Variants in RAP1GAP2 observed in about 807,000 individuals in gnomAD.
RAP1GAP2 encodes the protein rap1 GTPase-activating protein 2.
Under a neutral mutation model 95.0 loss-of-function variants are expected in RAP1GAP2, and 27 were observed. The ratio of observed to expected loss-of-function variants is 0.28; its 90% CI spans 0.21 to 0.39. The LOEUF is 0.39. Among genes scored for constraint, RAP1GAP2 ranks in the 10% least tolerant of loss-of-function variants. The pLI is 1.00. For missense variants in RAP1GAP2, 771 were observed against 970.0 expected, an observed-to-expected ratio of 0.79 and a Z score of 2.72; for synonymous variants, 373 against 380.9, an observed-to-expected ratio of 0.98 and a Z score of 0.24.
rs571523720 is a variant in RAP1GAP2 at position 2,857,782 on chromosome 17, G to A, written c.81-47502G>A. Among the ~76,000 whole-genome samples the A allele has an allele frequency of 6.6e-6, 1 of 152,310 alleles. No individual in the cohort carries two copies. Among genetic ancestry groups the A allele is most frequent in the Non-Finnish European group, 1.5e-5 (1 of 68,020 alleles). On this transcript the variant is annotated intron_variant, in intron 2 of 24. Coordinates refer to ENST00000254695, the MANE Select transcript of RAP1GAP2 (RefSeq NM_015085.5). This position sits in a 1 kb window ranked among gnomAD's most constrained non-coding sequence, Gnocchi z 4.0. ...ACAGGCAGCTTTGCTGGGAAGGACG[G>A]AGGCCGAGGAACACGATCAAAATAT...
intron 2 of RAP1GAP2, among the ~76,000 whole-genome samples, chr17:2,877,706 G>A (rs1304274445): frequency 6.6e-6 from 1 of 152,212 alleles, no homozygotes; most frequent in Non-Finnish European, 1.5e-5. Flanking sequence ...AACTGAGATT[G>A]CGCCACTGTA....
At chr17:3,012,806 G>A (rs1196855527) in intron 17 of RAP1GAP2, among the ~76,000 whole-genome samples, 1 of 152,094 alleles carries the variant, frequency 6.6e-6, no homozygotes, top group Non-Finnish European at 1.5e-5. Flanking sequence ...AGAGCTGTAC[G>A]TTATGTTTGA....
chr17:2,773,321 C>A (rs2068433957), upstream of RAP1GAP2, among the ~76,000 whole-genome samples: 1 of 152,198 alleles, frequency 6.6e-6, no homozygotes, highest in South Asian at 2.1e-4. Context: ...CTAGGGGAAG[C>A]TTTTTGCTTT....
intron 1 of RAP1GAP2, among the ~76,000 whole-genome samples, chr17:2,798,416 C>T (rs559722730): frequency 5.9e-5 from 9 of 152,212 alleles, no homozygotes; most frequent in East Asian, 1.9e-4. Flanking sequence ...TTGAGGTTGA[C>T]GGGATGGCGG....
chr17:2,989,523 G>A (rs1272102083), intron 11 of RAP1GAP2, among the ~76,000 whole-genome samples: 2 of 152,130 alleles, frequency 1.3e-5, no homozygotes, highest in Non-Finnish European at 2.9e-5. Context: ...AGTAGAGACT[G>A]GGTTTTGCCA....
chr17:2,891,566 G>A (rs1395256109), intron 2 of RAP1GAP2, among the ~76,000 whole-genome samples: 1 of 150,310 alleles, frequency 6.7e-6, no homozygotes, highest in Non-Finnish European at 1.5e-5. Context: ...TCCCCCAGGA[G>A]ATCTCACTTC....
intron 1 of RAP1GAP2, among the ~76,000 whole-genome samples, chr17:2,781,720 G>A (rs930838171): frequency 1.8e-4 from 26 of 142,038 alleles, no homozygotes; most frequent in Middle Eastern, 4.4e-3. Context: ...GTGTGAGCAC[G>A]TCTCTGTGTG....
At chr17:2,953,976 G>A (rs529895741) in intron 3 of RAP1GAP2, among the ~76,000 whole-genome samples, 58 of 152,152 alleles carry the variant, frequency 3.8e-4, no homozygotes, top group Non-Finnish European at 6.5e-4. Context: ...GTACCTTTTA[G>A]CTATCACCTT....
intron 18 of RAP1GAP2, 100 bp from the exon 19 acceptor site, chr17:3,020,377 C>T (rs2046917170): frequency 3.2e-6 from 3 of 933,174 alleles, no homozygotes; most frequent in Non-Finnish European, 3.4e-6. Context: ...TCTGGGGTCT[C>T]TTCCAGACCA....
At chr17:2,901,944 C>G (rs1365492011) in intron 2 of RAP1GAP2, among the ~76,000 whole-genome samples, 1 of 152,182 alleles carries the variant, frequency 6.6e-6, no homozygotes, top group Non-Finnish European at 1.5e-5. Context: ...GCACTGCATT[C>G]ATTTCCTAGG....
At position 2,965,523 on chromosome 17, in the gene RAP1GAP2, T is replaced by C; in HGVS notation, c.493-17T>C. On this transcript the variant is annotated splice_polypyrimidine_tract_variant and intron_variant, in intron 7 of 24. Transcript: ENST00000254695. The surrounding 1 kb of genome is among the most constrained non-coding windows in gnomAD (Gnocchi z 4.7). Reference sequence around the variant, plus strand: ...GTTTCTTCCTCCTTCCTGCTCACACTCAGTTTCTTTTTTTAGGATCATCTA... The same window carrying C: ...GTTTCTTCCTCCTTCCTGCTCACACCCAGTTTCTTTTTTTAGGATCATCTA... 6.3e-7 allele frequency: 1 copy of C among 1,591,490 alleles called. No individual in the cohort carries two copies. Among genetic ancestry groups the C allele is most frequent in the Non-Finnish European group, 8.6e-7 (1 of 1,166,070 alleles).
At chr17:2,988,973 C>T (rs1017559794) in intron 11 of RAP1GAP2, among the ~76,000 whole-genome samples, 3 of 151,950 alleles carry the variant, frequency 2.0e-5, no homozygotes, top group Non-Finnish European at 2.9e-5. Flanking sequence ...GCAGGAGAAT[C>T]GCTTGAACCT....
In RAP1GAP2 at chr17:3,020,571, G is replaced by T; in HGVS notation, c.1727G>T (p.Gly576Val). The T allele has an allele frequency of 1.2e-6, 2 of 1,613,828 alleles. No homozygotes were observed. The highest frequency in any genetic ancestry group is 1.7e-6 in the Non-Finnish European group (2 of 1,179,844). ...LFPRLHTGSE[G>V]QGDSRARCDS... Reference sequence around the variant, plus strand: ...CCCCGCCTGCACACGGGCTCAGAAGGCCAGGGCGACAGCCGGGCACGATGG... The same window carrying T: ...CCCCGCCTGCACACGGGCTCAGAAGTCCAGGGCGACAGCCGGGCACGATGG... The change falls in exon 19 of 25, where the codon GGC (glycine) becomes GTC (valine). Residue 576 changes from glycine to valine, a missense_variant. By Grantham distance (109) the Gly-to-Val change is moderately radical. Coordinates refer to ENST00000254695, the MANE Select transcript of RAP1GAP2 (RefSeq NM_015085.5).
At chr17:2,808,017 G>T (rs1196251741) in intron 2 of RAP1GAP2, among the ~76,000 whole-genome samples, 2 of 152,210 alleles carry the variant, frequency 1.3e-5, no homozygotes, top group Non-Finnish European at 1.5e-5. Context: ...GGCCATTCCT[G>T]TTTGGAGGTG....
chr17:2,893,822 G>A (rs12948210), intron 2 of RAP1GAP2, among the ~76,000 whole-genome samples: 35,855 of 152,226 alleles, frequency 0.24, 4,350 homozygotes, highest in African/African-American at 0.27. Context: ...GGCTGGGTGC[G>A]TAGGCACCTG....
intron 2 of RAP1GAP2, among the ~76,000 whole-genome samples, chr17:2,844,206 G>C (rs1248083868): frequency 6.6e-6 from 1 of 151,990 alleles, no homozygotes; most frequent in African/African-American, 2.4e-5. Flanking sequence ...ATTTTTAGTA[G>C]AGATGGTGTT....
chr17:2,806,683 C>T (rs2069535799), intron 2 of RAP1GAP2, among the ~76,000 whole-genome samples: 1 of 151,126 alleles, frequency 6.6e-6, no homozygotes, highest in African/African-American at 2.4e-5. Flanking sequence ...AGGTGTGAGC[C>T]ACTGGGCCTG....
intron 2 of RAP1GAP2, among the ~76,000 whole-genome samples, chr17:2,839,330 T>TA (rs1336339399): frequency 6.6e-6 from 1 of 151,562 alleles, no homozygotes; most frequent in African/African-American, 2.4e-5. Flanking sequence ...AAAAAAAGAA[T>TA]AAAAAATAAA....
intron 3 of RAP1GAP2, among the ~76,000 whole-genome samples, chr17:2,939,104 T>C (rs190865772): frequency 3.8e-4 from 58 of 152,334 alleles, no homozygotes; most frequent in African/African-American, 1.3e-3. Context: ...TTTTTTTTCT[T>C]TTTTGAGACA....
Sources: allele counts gnomAD v4.1 joint callset (sites outside exome capture counted in the v4.1 genomes callset), GRCh38; gene constraint gnomAD v4.1.1; non-coding constraint Gnocchi (gnomAD v3.1); transcripts MANE v1.5; gene names NCBI Gene and HGNC (gene_info 2026-07-23, HGNC 2026-07-21).